APH1B: variants seen among roughly 807,000 people sequenced by gnomAD.
The protein encoded by APH1B is aph-1B gamma-secretase subunit, also known as gamma-secretase subunit APH-1B.
Under a neutral mutation model 28.2 loss-of-function variants are expected in APH1B, and 27 were observed. The ratio of observed to expected loss-of-function variants is 0.96; its 90% CI spans 0.70 to 1.32. The LOEUF is 1.32. APH1B is among the 40% of genes most tolerant of loss of function. The pLI is 0.00. For missense variants in APH1B, 305 were observed against 313.6 expected (o/e 0.97, Z 0.21); for synonymous variants, 141 against 124.6 (o/e 1.13, Z -0.88).
chr15:63,291,134 A>G (rs916595697), intron 4 of APH1B, among the ~76,000 whole-genome samples: 1 of 152,182 alleles, frequency 6.6e-6, no homozygotes, highest in Admixed American at 6.5e-5. Context: ...AATTTAGAGA[A>G]TATGTATTTA....
chr15:63,293,717 C>T (rs1053323431), intron 4 of APH1B, among the ~76,000 whole-genome samples: 3 of 152,004 alleles, frequency 2.0e-5, no homozygotes, highest in African/African-American at 4.8e-5. Flanking sequence ...AGGTTTTTCT[C>T]GAACTCCTGA....
chr15:63,305,930 A>G lies in APH1B; in HGVS notation c.*149A>G, dbSNP rs201739277. ...GTTCCATTCACTTGGCTTTCACACA[A>G]CTGCTCTCCGAAAGGGGTGCTCAGT... On this transcript the variant is annotated 3_prime_UTR_variant, in exon 6 of 6. Coordinates refer to ENST00000261879, the MANE Select transcript of APH1B (RefSeq NM_031301.4). 1.9e-5 allele frequency: 20 copies of G among 1,062,568 alleles called. No homozygotes were observed. Among genetic ancestry groups the G allele is most frequent in the Non-Finnish European group, 2.6e-5 (20 of 762,180 alleles). 65.8% of individuals were successfully genotyped at this position (1,062,568 alleles called of 1,614,324 possible). A position where few individuals can be genotyped will look rare whatever the true frequency, so the allele number is the denominator to read the frequency against.
At chr15:63,286,509 CCT>C in intron 2 of APH1B, 47 bp from the exon 3 acceptor site, 1 of 1,279,238 alleles carries the variant, frequency 7.8e-7, no homozygotes. Context: ...TATTGCTCTT[CCT>C]TTTTTTTTTT....
chr15:63,302,501 A>T, intron 5 of APH1B, 29 bp downstream of exon 5: 1 of 1,603,912 alleles, frequency 6.2e-7, no homozygotes, highest in African/African-American at 1.3e-5. Context: ...CTCAGACTGT[A>T]TTCTGGAACT....
At chr15:63,296,841 G>A (rs2038573744) in intron 4 of APH1B, among the ~76,000 whole-genome samples, 1 of 150,246 alleles carries the variant, frequency 6.7e-6, no homozygotes, top group Admixed American at 6.6e-5. Context: ...GTATTTTTTA[G>A]GAGAGATGGG....
intron 5 of APH1B, among the ~76,000 whole-genome samples, chr15:63,303,956 T>C (rs1335429664): frequency 6.6e-6 from 1 of 151,726 alleles, no homozygotes; most frequent in Non-Finnish European, 1.5e-5. Flanking sequence ...TCATGGGGTG[T>C]ACATGTGTCG....
At chr15:63,293,508 T>G (rs71394504) in intron 4 of APH1B, among the ~76,000 whole-genome samples, 10,025 of 150,492 alleles carry the variant, frequency 0.067, 464 homozygotes, top group Middle Eastern at 0.16. Flanking sequence ...CTTTTTTTTT[T>G]TTTTCTTGAG....
At chr15:63,290,112 T>C (rs1468294778) in intron 4 of APH1B, among the ~76,000 whole-genome samples, 1 of 152,194 alleles carries the variant, frequency 6.6e-6, no homozygotes, top group African/African-American at 2.4e-5. Context: ...ACACTTCTGG[T>C]CCCAAACATT....
chr15:63,278,653 T>C (rs969269737), intron 1 of APH1B, among the ~76,000 whole-genome samples: 2 of 152,264 alleles, frequency 1.3e-5, no homozygotes, highest in African/African-American at 4.8e-5. Flanking sequence ...GGTTTTCAAG[T>C]TGAATTTTAT....
At chr15:63,296,658 CTTTT>C (rs753821606) in intron 4 of APH1B, among the ~76,000 whole-genome samples, 5 of 137,424 alleles carry the variant, frequency 3.6e-5, no homozygotes, top group South Asian at 2.3e-4. Context: ...AATGTTGTTT[CTTTT>C]TTTTTTTTTT....
Position 63,307,763 on chromosome 15 carries a change from C to T in APH1B, c.*1982C>T, listed in dbSNP as rs911187382. Reference sequence around the variant, plus strand: ...GTCTGAGAATATTAGCTTTACTCATCTTGAGCTTTGAGGATGTTCTCTGTA... The same window carrying T: ...GTCTGAGAATATTAGCTTTACTCATTTTGAGCTTTGAGGATGTTCTCTGTA... On this transcript the variant is annotated 3_prime_UTR_variant, in exon 6 of 6. Transcript: ENST00000261879. 2 of 152,174 alleles carry T rather than the reference C, an allele frequency of 1.3e-5. No individual in the cohort carries two copies. Among genetic ancestry groups the T allele is most frequent in the African/African-American group, 4.8e-5 (2 of 41,432 alleles). 9.4% of individuals were successfully genotyped at this position (152,174 alleles called of 1,614,324 possible).
chr15:63,279,079 G>GTT, intron 1 of APH1B, 82 bp from the exon 2 acceptor site: 1 of 1,085,920 alleles, frequency 9.2e-7, no homozygotes, highest in East Asian at 2.7e-5. Context: ...TTCTCAAGCA[G>GTT]GTTTTTTTTT....
chr15:63,291,447 C>T (rs971146160), intron 4 of APH1B, among the ~76,000 whole-genome samples: 2 of 152,176 alleles, frequency 1.3e-5, no homozygotes, highest in Admixed American at 6.5e-5. Flanking sequence ...AGCCACTAAA[C>T]GTTTCACAAG....
intron 1 of APH1B, chr15:63,278,028 C>T: frequency 2.2e-6 from 1 of 447,408 alleles, no homozygotes; most frequent in Non-Finnish European, 4.1e-6. Flanking sequence ...TATATGCATC[C>T]TTCATTTTCT....
At chr15:63,291,322 C>T (rs997937476) in intron 4 of APH1B, among the ~76,000 whole-genome samples, 7 of 152,216 alleles carry the variant, frequency 4.6e-5, no homozygotes, top group East Asian at 3.8e-4. Context: ...TTAGCTAGTA[C>T]CTAGTAAAAA....
intron 2 of APH1B, among the ~76,000 whole-genome samples, chr15:63,285,110 A>C (rs1371063103): frequency 6.6e-6 from 1 of 152,256 alleles, no homozygotes; most frequent in Non-Finnish European, 1.5e-5. Flanking sequence ...AAATGCTTCC[A>C]GATGGAGAGC....
chr15:63,286,224 A>T (rs2038443860), intron 2 of APH1B, among the ~76,000 whole-genome samples: 1 of 152,246 alleles, frequency 6.6e-6, no homozygotes, highest in Non-Finnish European at 1.5e-5. Flanking sequence ...ATCCCATAGG[A>T]TATTGAATTA....
chr15:63,302,680 T>C (rs1000545756), intron 5 of APH1B, among the ~76,000 whole-genome samples: 5 of 152,354 alleles, frequency 3.3e-5, no homozygotes, highest in Middle Eastern at 3.4e-3. Flanking sequence ...AAATATTTTT[T>C]TCCCTGCTGT....
chr15:63,295,864 G>C (rs1439050715), intron 4 of APH1B, among the ~76,000 whole-genome samples: 1 of 152,136 alleles, frequency 6.6e-6, no homozygotes. Context: ...GGACCATGTG[G>C]GTTATCTTCA....
Sources: gnomAD v4.1 joint callset for allele counts (sites outside exome capture counted in the v4.1 genomes callset) on GRCh38, gnomAD v4.1.1 for gene constraint, MANE v1.5 for transcripts, NCBI Gene and HGNC (gene_info 2026-07-23, HGNC 2026-07-21) for gene names.